Variants in MINDY2 observed in about 807,000 individuals in gnomAD.
MINDY2 encodes ubiquitin carboxyl-terminal hydrolase MINDY-2.
A neutral mutation model predicts 68.2 loss-of-function variants in MINDY2; 52 were observed. The observed-to-expected ratio is 0.76, with a 90% CI of 0.61 to 0.96. The LOEUF is 0.96. Ranked by LOEUF, MINDY2 falls within the 40% of genes least tolerant of loss-of-function variation. MINDY2 has a pLI of 0.00. For synonymous variants in MINDY2, 372 were observed against 303.0 expected, an observed-to-expected ratio of 1.23 and a Z score of -2.36; for missense variants, 881 against 773.4, an observed-to-expected ratio of 1.14 and a Z score of -1.65.
intron 1 of MINDY2, among the ~76,000 whole-genome samples, chr15:58,781,856 C>G (rs185015322): frequency 6.6e-6 from 1 of 151,640 alleles, no homozygotes; most frequent in African/African-American, 2.4e-5. Context: ...GAGCCAAGAT[C>G]GTGCCACTGC....
intron 2 of MINDY2, among the ~76,000 whole-genome samples, chr15:58,797,865 G>A (rs1184304254): frequency 6.6e-6 from 1 of 152,140 alleles, no homozygotes; most frequent in Non-Finnish European, 1.5e-5. Context: ...CATAAGTGCA[G>A]AAGTACTAAT....
chr15:58,842,483 A>G (rs2032330869), intron 6 of MINDY2, among the ~76,000 whole-genome samples: 1 of 152,212 alleles, frequency 6.6e-6, no homozygotes, highest in East Asian at 1.9e-4. Flanking sequence ...CATTTAAGTA[A>G]CAATCCATTA....
intron 6 of MINDY2, among the ~76,000 whole-genome samples, chr15:58,839,491 C>T (rs1032244634): frequency 1.3e-5 from 2 of 152,062 alleles, no homozygotes; most frequent in African/African-American, 4.8e-5. Flanking sequence ...GCCACCACAT[C>T]CAGCTAATTT....
Sources: allele counts gnomAD v4.1 joint callset (sites outside exome capture counted in the v4.1 genomes callset), GRCh38; gene constraint gnomAD v4.1.1; transcripts MANE v1.5; gene names NCBI Gene and HGNC (gene_info 2026-07-23, HGNC 2026-07-21).